The following KCNK9 variants were observed in gnomAD, a reference collection of about 807,000 sequenced individuals.
KCNK9 encodes the protein potassium channel subfamily K member 9.
In KCNK9, 1 loss-of-function variant was observed where a neutral mutation model predicts 10.8. The observed-to-expected ratio is 0.09, with a 90% CI of 0.03 to 0.44. KCNK9 has a LOEUF of 0.44. Ranked by LOEUF, KCNK9 falls within the 20% of genes least tolerant of loss-of-function variation. The pLI is 0.97. For synonymous variants in KCNK9, 231 were observed against 222.7 expected (o/e 1.04, Z -0.33); for missense variants, 303 against 515.0 (o/e 0.59, Z 3.98).
Position 139,618,167 on chromosome 8 carries a change from T to A in KCNK9, c.*91A>T. 6.7e-7 allele frequency: 1 copy of A among 1,484,442 alleles called. No individual in the cohort carries two copies. The highest frequency in any genetic ancestry group is 9.3e-7 in the Non-Finnish European group (1 of 1,073,974). 92.0% of individuals were successfully genotyped at this position (1,484,442 alleles called of 1,614,324 possible). On this transcript the variant is annotated 3_prime_UTR_variant, in exon 2 of 2. Transcript: ENST00000520439. The surrounding 1 kb of genome is among the most constrained non-coding windows in gnomAD (Gnocchi z 7.9). The stretch of plus-strand genomic sequence containing the variant: ...AAAGTAATAATGATGACAATAATAA[T>A]AATAAATAAATAAGAAAAGACGAGT...
intron 1 of KCNK9, among the ~76,000 whole-genome samples, chr8:139,692,093 A>G (rs1416587556): frequency 6.6e-6 from 1 of 152,216 alleles, no homozygotes; most frequent in Non-Finnish European, 1.5e-5. Flanking sequence ...ACCATGAGAC[A>G]CCAGCCAGAG....
downstream of KCNK9, among the ~76,000 whole-genome samples, chr8:139,613,400 A>G (rs1439302096): frequency 1.3e-5 from 2 of 152,112 alleles, no homozygotes; most frequent in Non-Finnish European, 2.9e-5. Context: ...AACCACATAG[A>G]ATGGATTTAT....
At chr8:139,660,736 A>C (rs1311071431) in intron 1 of KCNK9, among the ~76,000 whole-genome samples, 1 of 152,152 alleles carries the variant, frequency 6.6e-6, no homozygotes, top group Non-Finnish European at 1.5e-5. Context: ...TCATTAAAGG[A>C]CTTAGCCCAG....
In KCNK9 at chr8:139,687,558, G is replaced by A. The variant is rs1406131530; in HGVS notation, c.283+15152C>T. Reference sequence around the variant, plus strand: ...TGTATACACATATATTCATATATATGTATACATATATTCATATATATGTAT... The same window carrying A: ...TGTATACACATATATTCATATATATATATACATATATTCATATATATGTAT... On this transcript the variant is annotated intron_variant, in intron 1 of 1. Transcript: ENST00000520439. Among the ~76,000 whole-genome samples the A allele has an allele frequency of 1.9e-4, 22 of 116,790 alleles. 1 individual carries two copies. The highest frequency in any genetic ancestry group is 7.1e-4 in the African/African-American group (20 of 28,046). The allele number at this position is 116,790 out of a possible 152,430, so 76.6% of individuals were successfully genotyped here. A position where few individuals can be genotyped will look rare whatever the true frequency, so the allele number is the denominator to read the frequency against.
intron 1 of KCNK9, among the ~76,000 whole-genome samples, chr8:139,638,936 C>G (rs955384731): frequency 2.6e-5 from 4 of 152,152 alleles, no homozygotes; most frequent in African/African-American, 9.7e-5. Context: ...TTCACCAGTC[C>G]AACTCCTGCT....
chr8:139,677,964 G>T, intron 1 of KCNK9, among the ~76,000 whole-genome samples: 4 of 148,240 alleles, frequency 2.7e-5, no homozygotes, highest in African/African-American at 1.1e-4. Context: ...CCCTACAGCT[G>T]CAGAGTAATA....
intron 1 of KCNK9, among the ~76,000 whole-genome samples, chr8:139,690,343 G>A (rs530154288): frequency 6.6e-6 from 1 of 152,318 alleles, no homozygotes; most frequent in South Asian, 2.1e-4. Flanking sequence ...TTGAGATAGT[G>A]ACTGTAAAAA....
At chr8:139,606,102 C>CT (rs746199203) in intron 2 of KCNK9, among the ~76,000 whole-genome samples, 25 of 152,302 alleles carry the variant, frequency 1.6e-4, no homozygotes, top group South Asian at 6.2e-4. Flanking sequence ...TACCAAAGGC[C>CT]TGACACCTTG....
chr8:139,675,951 TG>T lies in KCNK9; in HGVS notation c.283+26758del, dbSNP rs199619079. Among the ~76,000 whole-genome samples, 1,301 of 152,320 alleles carry T rather than the reference TG, an allele frequency of 8.5e-3. 13 individuals carry two copies. The highest frequency in any genetic ancestry group is 0.03 in the African/African-American group (1,234 of 41,576). On this transcript the variant is annotated intron_variant, in intron 1 of 1. Transcript: ENST00000520439. ...TGACCAAGTGCTGGCCAATGGAATG[TG>T]GGCAGAAATAATACACTGCTTTTAC...
At chr8:139,690,387 C>T (rs1487173222) in intron 1 of KCNK9, among the ~76,000 whole-genome samples, 1 of 152,206 alleles carries the variant, frequency 6.6e-6, no homozygotes, top group Non-Finnish European at 1.5e-5. Context: ...TAAACAATAG[C>T]TCTTTGGTTG....
chr8:139,605,435 T>C (rs1249648157), intron 2 of KCNK9, among the ~76,000 whole-genome samples: 1 of 152,184 alleles, frequency 6.6e-6, no homozygotes, highest in African/African-American at 2.4e-5. Flanking sequence ...AATTCCTTAC[T>C]TGACCGAGGT....
chr8:139,674,591 G>A lies in KCNK9; in HGVS notation c.283+28119C>T, dbSNP rs546404853. Among the ~76,000 whole-genome samples the A allele has an allele frequency of 3.9e-5, 6 of 152,260 alleles. No individual in the cohort carries two copies. The East Asian group carries it at 5.8e-4, about 15-fold the overall frequency. Reference sequence around the variant, plus strand: ...GGCCACACAGCAAAAGGGAGGAGCCGGGACTCCAACCCAAGACCTCAGGAC... The same window carrying A: ...GGCCACACAGCAAAAGGGAGGAGCCAGGACTCCAACCCAAGACCTCAGGAC... On this transcript the variant is annotated intron_variant, in intron 1 of 1. Coordinates refer to ENST00000520439, the MANE Select transcript of KCNK9 (RefSeq NM_001282534.2).
chr8:139,634,426 A>C (rs1586649204), intron 1 of KCNK9, among the ~76,000 whole-genome samples: 1 of 151,460 alleles, frequency 6.6e-6, no homozygotes, highest in Non-Finnish European at 1.5e-5. Context: ...CTCCCAATCC[A>C]CCTTTCCTGG....
At chr8:139,690,326 G>A (rs1305697334) in intron 1 of KCNK9, among the ~76,000 whole-genome samples, 5 of 152,158 alleles carry the variant, frequency 3.3e-5, no homozygotes, top group African/African-American at 1.2e-4. Context: ...CGAGAGGATG[G>A]AATTAATTGA....
At chr8:139,631,371 G>A (rs1815166932) in intron 1 of KCNK9, among the ~76,000 whole-genome samples, 1 of 152,314 alleles carries the variant, frequency 6.6e-6, no homozygotes, top group South Asian at 2.1e-4. Flanking sequence ...CCTTTGCGGG[G>A]TCAGTGGTAT....
At chr8:139,649,368 G>A (rs1815786220) in intron 1 of KCNK9, among the ~76,000 whole-genome samples, 1 of 152,190 alleles carries the variant, frequency 6.6e-6, no homozygotes, top group African/African-American at 2.4e-5. Flanking sequence ...GTTGATTTGG[G>A]GGCTGGCTGC....
At chr8:139,635,977 CT>C (rs1276123373) in intron 1 of KCNK9, among the ~76,000 whole-genome samples, 2 of 152,170 alleles carry the variant, frequency 1.3e-5, no homozygotes, top group African/African-American at 4.8e-5. Flanking sequence ...TGTGGCATGT[CT>C]TCACCTTAAC....
intron 1 of KCNK9, among the ~76,000 whole-genome samples, chr8:139,672,315 T>C (rs1816447818): frequency 6.6e-6 from 1 of 152,168 alleles, no homozygotes; most frequent in Admixed American, 6.5e-5. Context: ...CTGTGTCTAG[T>C]TGCCTCCCAT....
intron 1 of KCNK9, among the ~76,000 whole-genome samples, chr8:139,690,884 C>A (rs1180429744): frequency 1.3e-5 from 2 of 152,180 alleles, no homozygotes; most frequent in African/African-American, 4.8e-5. Flanking sequence ...GGATGGGAAC[C>A]TGTCTTGTAA....
Sources: allele counts gnomAD v4.1 joint callset (sites outside exome capture counted in the v4.1 genomes callset), GRCh38; gene constraint gnomAD v4.1.1; non-coding constraint Gnocchi (gnomAD v3.1); transcripts MANE v1.5; gene names NCBI Gene and HGNC (gene_info 2026-07-23, HGNC 2026-07-21).